The following SLC35F2 variants were observed in gnomAD, a reference collection of about 807,000 sequenced individuals.
The protein encoded by SLC35F2 is solute carrier family 35 member F2.
A neutral mutation model predicts 38.1 loss-of-function variants in SLC35F2; 25 were observed. The observed-to-expected ratio is 0.66, with a 90% CI of 0.48 to 0.92. The LOEUF (loss-of-function observed/expected upper bound fraction) is 0.92, where lower values mean the gene tolerates loss of function less well. Ranked by LOEUF, SLC35F2 falls within the 40% of genes least tolerant of loss-of-function variation. SLC35F2 has a pLI of 0.00. For synonymous variants in SLC35F2, 173 were observed against 181.7 expected (o/e 0.95, Z 0.38); for missense variants, 409 against 452.9 (o/e 0.90, Z 0.88).
At chr11:107,845,866 T>C (rs1655290431) in intron 1 of SLC35F2, among the ~76,000 whole-genome samples, 1 of 151,856 alleles carries the variant, frequency 6.6e-6, no homozygotes, top group East Asian at 1.9e-4. Context: ...GCCAGGAGAA[T>C]TGCTTGAACC....
intron 1 of SLC35F2, among the ~76,000 whole-genome samples, chr11:107,825,464 TG>T (rs1277766898): frequency 1.3e-5 from 2 of 149,528 alleles, no homozygotes; most frequent in Non-Finnish European, 3.0e-5. Flanking sequence ...CTCCACCTCC[TG>T]GGTTCAAGTG....
At chr11:107,821,623 G>T in intron 1 of SLC35F2, 1 of 985,346 alleles carries the variant, frequency 1.0e-6, no homozygotes, top group South Asian at 4.7e-5. Context: ...TCTGAACAGA[G>T]GAACCCTCTA....
intron 1 of SLC35F2, among the ~76,000 whole-genome samples, chr11:107,818,006 G>A (rs1301091814): frequency 2.8e-5 from 4 of 143,584 alleles, no homozygotes; most frequent in Admixed American, 1.5e-4. Flanking sequence ...GCAGTGAGCC[G>A]AGATCGTGCC....
intron 2 of SLC35F2, among the ~76,000 whole-genome samples, chr11:107,812,720 A>G (rs1859501685): frequency 6.6e-6 from 1 of 152,208 alleles, no homozygotes; most frequent in South Asian, 2.1e-4. Context: ...CTTTCCTATC[A>G]TAACAGAAAC....
intron 1 of SLC35F2, among the ~76,000 whole-genome samples, chr11:107,851,901 T>G (rs77686062): frequency 6.6e-6 from 1 of 152,138 alleles, no homozygotes; most frequent in Non-Finnish European, 1.5e-5. Context: ...AATAACACTA[T>G]AAACAATACC....
chr11:107,849,482 T>C (rs1379572379), intron 1 of SLC35F2, among the ~76,000 whole-genome samples: 1 of 151,812 alleles, frequency 6.6e-6, no homozygotes, highest in African/African-American at 2.4e-5. Flanking sequence ...CTACTAAAAA[T>C]GCAAAAACTA....
chr11:107,814,391 A>G (rs12808844), intron 2 of SLC35F2, among the ~76,000 whole-genome samples: 20,026 of 150,560 alleles, frequency 0.13, 1,768 homozygotes, highest in African/African-American at 0.25. Flanking sequence ...GGAGGCAGAG[A>G]TTGCAGTGAG....
intron 7 of SLC35F2, among the ~76,000 whole-genome samples, chr11:107,797,649 C>T (rs766389265): frequency 6.6e-6 from 1 of 152,148 alleles, no homozygotes; most frequent in Non-Finnish European, 1.5e-5. Flanking sequence ...CTCCTTGGGT[C>T]ACCAACAGCT....
chr11:107,844,622 C>CAATAAATA lies in SLC35F2; in HGVS notation c.110+14028_110+14035dup, dbSNP rs57389430. Among the ~76,000 whole-genome samples, 1,005 of 134,850 alleles carry CAATAAATA rather than the reference C, an allele frequency of 7.5e-3. 17 individuals are homozygous for CAATAAATA. Among genetic ancestry groups the CAATAAATA allele is most frequent in the Admixed American group, 0.043 (556 of 12,812 alleles). 88.5% of individuals were successfully genotyped at this position (134,850 alleles called of 152,430 possible). A position where few individuals can be genotyped will look rare whatever the true frequency, so the allele number is the denominator to read the frequency against. On this transcript the variant is annotated intron_variant, in intron 1 of 7. Transcript: ENST00000525815. Reference sequence around the variant, plus strand: ...GGGTGACAGAGTCAGACTCCTTCTCCAATAAATAAATAAATAAATAAATAA... The same window carrying CAATAAATA: ...GGGTGACAGAGTCAGACTCCTTCTCCAATAAATAAATAAATAAATAAATAAATAAATAA...
chr11:107,810,627 G>C (rs899102050), intron 3 of SLC35F2: 7 of 985,194 alleles, frequency 7.1e-6, no homozygotes, highest in African/African-American at 1.7e-5. Flanking sequence ...TATAGTGTCT[G>C]TCTTAATAAA....
At chr11:107,812,587 C>T (rs561845013) in intron 2 of SLC35F2, among the ~76,000 whole-genome samples, 1 of 152,276 alleles carries the variant, frequency 6.6e-6, no homozygotes, top group South Asian at 2.1e-4. Context: ...GGACTTAATA[C>T]TTAGGTGATG....
chr11:107,841,840 G>A lies in SLC35F2; in HGVS notation c.110+16818C>T, dbSNP rs141858180. On this transcript the variant is annotated intron_variant, in intron 1 of 7. Coordinates refer to ENST00000525815, the MANE Select transcript of SLC35F2 (RefSeq NM_017515.5). ...TACAAAAATTAAGGCCGAGGCGAGC[G>A]GATCATGAGGTCAGGAGTTCGAAAC... Among the ~76,000 whole-genome samples, 752 of 151,926 alleles carry A rather than the reference G, an allele frequency of 4.9e-3. 6 individuals carry two copies. The highest frequency in any genetic ancestry group is 0.016 in the African/African-American group (665 of 41,448).
intron 1 of SLC35F2, 44 bp downstream of exon 1, chr11:107,858,614 G>A: frequency 1.6e-6 from 2 of 1,252,838 alleles, no homozygotes; most frequent in Non-Finnish European, 2.0e-6. Flanking sequence ...GCCCGCAGCC[G>A]CCCCCACGCC....
intron 3 of SLC35F2, chr11:107,810,301 T>C (rs748689951): frequency 8.1e-6 from 8 of 985,288 alleles, no homozygotes; most frequent in Non-Finnish European, 7.2e-6. Context: ...TTCTTTGAAA[T>C]TGAAAGAAGG....
chr11:107,851,804 T>C (rs1422273109), intron 1 of SLC35F2, among the ~76,000 whole-genome samples: 1 of 152,096 alleles, frequency 6.6e-6, no homozygotes, highest in African/African-American at 2.4e-5. Context: ...GAGAAGAATT[T>C]ATGGAGACTC....
At chr11:107,821,413 C>T in intron 1 of SLC35F2, 1 of 985,136 alleles carries the variant, frequency 1.0e-6, no homozygotes, top group Non-Finnish European at 1.2e-6. Context: ...ATCATAATGA[C>T]CTCATCTATA....
intron 3 of SLC35F2, among the ~76,000 whole-genome samples, chr11:107,808,194 T>C (rs656220): frequency 0.62 from 94,460 of 151,978 alleles, 29,656 homozygotes; most frequent in African/African-American, 0.71. Flanking sequence ...CTCGTGCTCA[T>C]GGCAAATACT....
Position 107,815,842 on chromosome 11 carries a change from G to A in SLC35F2, c.234C>T (p.Ile78=). The A allele has an allele frequency of 6.2e-7, 1 of 1,613,854 alleles. No individual in the cohort carries two copies. The highest frequency in any genetic ancestry group is 1.1e-5 in the South Asian group (1 of 91,014). The change falls in exon 2 of 8, where the codon ATC becomes ATT. Residue 78 remains isoleucine, a synonymous_variant. Coordinates refer to ENST00000525815, the MANE Select transcript of SLC35F2 (RefSeq NM_017515.5). ...KVNTPMLQSF[I]NYCLLFLIYT... is the part of the protein sequence containing the mutation. ...AAATTAGGAACAGCAAGCAATAATT[G>A]ATAAAGCTCTGAAGCATGGGGGTGT... is the stretch of plus-strand genomic sequence containing the variant.
intron 3 of SLC35F2, among the ~76,000 whole-genome samples, chr11:107,809,329 C>CAAAAAAAAAAAAAAAAAAA (rs61511493): frequency 5.2e-5 from 5 of 96,118 alleles, no homozygotes; most frequent in Non-Finnish European, 8.9e-5. Flanking sequence ...ACTCAAAATA[C>CAAAAAAAAAAAAAAAAAAA]AAAAAAAAAA....
Sources: allele counts gnomAD v4.1 joint callset (sites outside exome capture counted in the v4.1 genomes callset), GRCh38; gene constraint gnomAD v4.1.1; transcripts MANE v1.5; gene names NCBI Gene and HGNC (gene_info 2026-07-23, HGNC 2026-07-21).